The following TESK2 variants were observed in gnomAD, a reference collection of about 807,000 sequenced individuals.
TESK2 encodes dual specificity testis-specific protein kinase 2.
In TESK2, 39 loss-of-function variants were observed where a neutral mutation model predicts 57.1. The ratio of observed to expected loss-of-function variants is 0.68; its 90% CI spans 0.53 to 0.89. TESK2 has a LOEUF of 0.89. TESK2 is among the 40% of genes least tolerant of loss of function. The pLI, the probability that TESK2 is intolerant of heterozygous loss-of-function variation, is 0.00. For synonymous variants in TESK2, 249 were observed against 267.9 expected (o/e 0.93, Z 0.69); for missense variants, 646 against 732.1 (o/e 0.88, Z 1.36).
chr1:45,403,233 GAAA>G (rs11424640), intron 3 of TESK2, among the ~76,000 whole-genome samples: 3 of 128,118 alleles, frequency 2.3e-5, no homozygotes, highest in Non-Finnish European at 3.3e-5. Context: ...GCCGTGATGG[GAAA>G]AAAAAAAAAA....
At chr1:45,488,131 C>T (rs1263214336) in intron 1 of TESK2, among the ~76,000 whole-genome samples, 1 of 152,052 alleles carries the variant, frequency 6.6e-6, no homozygotes, top group Admixed American at 6.6e-5. Context: ...CCATGCTGGT[C>T]GCAAACTCCT....
chr1:45,469,944 G>C (rs1385999458), intron 1 of TESK2, among the ~76,000 whole-genome samples: 1 of 152,092 alleles, frequency 6.6e-6, no homozygotes. Context: ...CTACCAACAG[G>C]TAGCTGGATT....
Position 45,345,364 on chromosome 1 carries a change from T to C in TESK2, c.1192A>G (p.Lys398Glu). The change falls in exon 11 of 11, where the codon AAA (lysine) becomes GAA (glutamate). Residue 398 changes from lysine (K) to glutamate (E), a missense_variant. Transcript: ENST00000372086. ...RPRDGAARTP[K>E]VNPFSARQDL... ...TGGCGAGCACTAAAAGGGTTGACTT[T>C]GGGGGTGCGGGCAGCACCATCTCGT... is the stretch of plus-strand genomic sequence containing the variant. 1 of 1,613,994 alleles carries C rather than the reference T, an allele frequency of 6.2e-7. No homozygotes were observed. The highest frequency in any genetic ancestry group is 8.5e-7 in the Non-Finnish European group (1 of 1,179,998).
chr1:45,353,041 G>C (rs1647278550), intron 5 of TESK2, among the ~76,000 whole-genome samples: 1 of 152,122 alleles, frequency 6.6e-6, no homozygotes, highest in African/African-American at 2.4e-5. Flanking sequence ...TGGGATTACA[G>C]GCACCTGCCA....
At chr1:45,408,992 T>G (rs188149097) in intron 3 of TESK2, among the ~76,000 whole-genome samples, 30 of 152,204 alleles carry the variant, frequency 2.0e-4, no homozygotes, top group African/African-American at 7.2e-4. Flanking sequence ...TAAAAGACTT[T>G]GAATAGCCCT....
intron 2 of TESK2, among the ~76,000 whole-genome samples, chr1:45,429,269 G>A (rs377353332): frequency 6.6e-6 from 1 of 152,210 alleles, no homozygotes; most frequent in African/African-American, 2.4e-5. Flanking sequence ...GATGGTGCGT[G>A]TCTGTAGTCC....
intron 7 of TESK2, 58 bp from the exon 8 acceptor site, chr1:45,347,120 C>T: frequency 2.8e-6 from 4 of 1,429,648 alleles, no homozygotes; most frequent in Non-Finnish European, 3.9e-6. Flanking sequence ...AGGGTATCTG[C>T]CCCTGCCCCT....
chr1:45,358,490 G>A (rs1377779004), intron 4 of TESK2, among the ~76,000 whole-genome samples: 1 of 152,012 alleles, frequency 6.6e-6, no homozygotes, highest in Non-Finnish European at 1.5e-5. Flanking sequence ...AAAAAAGTGA[G>A]TAAGTATATG....
At position 45,454,959 on chromosome 1, in the gene TESK2, A is replaced by G. The variant is rs149618470; in HGVS notation, c.222+2605T>C. Among the ~76,000 whole-genome samples the G allele has an allele frequency of 1.9e-3, 288 of 152,338 alleles. 1 individual carries two copies. Among genetic ancestry groups the G allele is most frequent in the African/African-American group, 6.5e-3 (269 of 41,596 alleles). ...CTAGAATAAGCAAATTCATAAAAAC[A>G]GCAAGTAGAAGATATTAGTGGGTGG... On this transcript the variant is annotated intron_variant, in intron 2 of 10. Transcript: ENST00000372086.
At chr1:45,439,956 C>G (rs1016204641) in intron 2 of TESK2, among the ~76,000 whole-genome samples, 18 of 151,004 alleles carry the variant, frequency 1.2e-4, no homozygotes, top group African/African-American at 3.6e-4. Context: ...AGCGCCCCCC[C>G]ACTGCCACTT....
chr1:45,432,583 C>T lies in TESK2; in HGVS notation c.223-10737G>A, dbSNP rs531277820. On this transcript the variant is annotated intron_variant, in intron 2 of 10. Coordinates refer to ENST00000372086, the MANE Select transcript of TESK2 (RefSeq NM_007170.3). ...GCAGGCGCCTGTAGTCCCAGCTACT[C>T]GGGAGGCTGAGGCAGGAGAATGGCG... Among the ~76,000 whole-genome samples the T allele has an allele frequency of 1.5e-3, 229 of 149,112 alleles. 3 individuals carry two copies. Among genetic ancestry groups the T allele is most frequent in the South Asian group, 0.011 (49 of 4,646 alleles).
intron 6 of TESK2, 64 bp from the exon 7 acceptor site, chr1:45,347,757 C>T: frequency 6.4e-7 from 1 of 1,561,822 alleles, no homozygotes; most frequent in Non-Finnish European, 8.8e-7. Context: ...ATCTTTTGAC[C>T]ATTCCTCCAC....
intron 4 of TESK2, among the ~76,000 whole-genome samples, chr1:45,361,205 C>T (rs1406136803): frequency 6.6e-6 from 1 of 152,168 alleles, no homozygotes; most frequent in African/African-American, 2.4e-5. Flanking sequence ...GCTGGTGTGG[C>T]CTCTAAACAA....
rs1006555671 is a variant in TESK2, at chr1:45,413,306, C to T, written c.344+8419G>A. Among the ~76,000 whole-genome samples the T allele has an allele frequency of 7.2e-5, 11 of 152,202 alleles. 1 individual carries two copies. In the South Asian group the frequency reaches 8.3e-4, roughly 11 times the overall value. ...CACAAGTACTACCTCTATGACTTACCAGGCCCACACTTTTCCTCCCAAATA... is the reference window on the plus strand; with the variant it reads ...CACAAGTACTACCTCTATGACTTACTAGGCCCACACTTTTCCTCCCAAATA... On this transcript the variant is annotated intron_variant, in intron 3 of 10. Transcript: ENST00000372086.
intron 3 of TESK2, among the ~76,000 whole-genome samples, chr1:45,399,320 T>A (rs1159711281): frequency 6.6e-5 from 10 of 151,914 alleles, no homozygotes; most frequent in Non-Finnish European, 5.9e-5. Context: ...AGCTAATTTT[T>A]GTATTTTTTT....
At chr1:45,472,184 G>A (rs1405028626) in intron 1 of TESK2, among the ~76,000 whole-genome samples, 6 of 148,022 alleles carry the variant, frequency 4.1e-5, no homozygotes, top group Admixed American at 2.7e-4. Context: ...CCTGGGAGGC[G>A]GAGCTTGCAG....
chr1:45,397,260 G>T (rs142627355), intron 3 of TESK2, among the ~76,000 whole-genome samples: 34 of 152,276 alleles, frequency 2.2e-4, no homozygotes, highest in African/African-American at 7.7e-4. Flanking sequence ...AAGAAACTGA[G>T]GCACAGAGAT....
At chr1:45,468,588 A>G (rs1557585368) in intron 1 of TESK2, among the ~76,000 whole-genome samples, 1 of 152,228 alleles carries the variant, frequency 6.6e-6, no homozygotes, top group Non-Finnish European at 1.5e-5. Context: ...ATGACATTTT[A>G]TGATGGTTTC....
chr1:45,410,976 GGAT>G (rs978683895), intron 3 of TESK2, among the ~76,000 whole-genome samples: 27 of 152,182 alleles, frequency 1.8e-4, no homozygotes, highest in Admixed American at 7.9e-4. Flanking sequence ...CTTAAAGCAA[GGAT>G]GATAATAGCC....
Sources: gnomAD v4.1 joint callset for allele counts (sites outside exome capture counted in the v4.1 genomes callset) on GRCh38, gnomAD v4.1.1 for gene constraint, MANE v1.5 for transcripts, NCBI Gene and HGNC (gene_info 2026-07-23, HGNC 2026-07-21) for gene names.